Variants in HCN1 observed in about 807,000 individuals in gnomAD.
The protein encoded by HCN1 is hyperpolarization activated cyclic nucleotide gated potassium channel 1, also known as potassium/sodium hyperpolarization-activated cyclic nucleotide-gated channel 1.
In HCN1, 13 loss-of-function variants were observed where a neutral mutation model predicts 78.9. The ratio of observed to expected loss-of-function variants is 0.16; its 90% confidence interval spans 0.11 to 0.26. The LOEUF is 0.26. Ranked by LOEUF, HCN1 falls within the 10% of genes least tolerant of loss-of-function variation. The pLI, the probability that HCN1 is intolerant of heterozygous loss-of-function variation, is 1.00. For synonymous variants in HCN1, 552 were observed against 455.5 expected, an observed-to-expected ratio of 1.21 and a Z score of -2.70; for missense variants, 810 against 1,154.3, an observed-to-expected ratio of 0.70 and a Z score of 4.32.
intron 6 of HCN1, among the ~76,000 whole-genome samples, chr5:45,297,494 A>T (rs2111894919): frequency 6.6e-6 from 1 of 152,184 alleles, no homozygotes; most frequent in Admixed American, 6.6e-5. Context: ...AAAATAAATC[A>T]CCAGGCCCAA....
In HCN1 at chr5:45,335,962, T is replaced by C. The variant is rs553165922; in HGVS notation, c.1377+17138A>G. ...TGTGAAATAGCCCCTCAGTAGTAGG[T>C]TCTCATCCATTATGTGTTATATAGC... On this transcript the variant is annotated intron_variant, in intron 5 of 7. Transcript: ENST00000303230. Among the ~76,000 whole-genome samples the C allele has an allele frequency of 1.8e-4, 27 of 152,158 alleles. 1 individual carries two copies. The highest frequency in any genetic ancestry group is 6.5e-4 in the African/African-American group (27 of 41,554).
Position 45,322,409 on chromosome 5 carries a change from C to T in HCN1, c.1378-18570G>A, listed in dbSNP as rs139335755. On this transcript the variant is annotated intron_variant, in intron 5 of 7. Coordinates refer to ENST00000303230, the MANE Select transcript of HCN1 (RefSeq NM_021072.4). ...ATATTTATTAAATGCTTTGTGCTTT[C>T]TCATGTAATTATAACAACAACCCAA... 7.9e-5 allele frequency among the ~76,000 whole-genome samples: 12 copies of T among 151,842 alleles called. No individual in the cohort carries two copies. In the East Asian group the frequency reaches 2.3e-3, roughly 30 times the overall value.
At chr5:45,512,549 CT>C (rs1742435540) in intron 2 of HCN1, among the ~76,000 whole-genome samples, 1 of 152,038 alleles carries the variant, frequency 6.6e-6, no homozygotes, top group East Asian at 1.9e-4. Flanking sequence ...ACATAATCTA[CT>C]TTTTTCTAAG....
intron 5 of HCN1, among the ~76,000 whole-genome samples, chr5:45,343,678 G>A (rs888143634): frequency 6.6e-6 from 1 of 152,066 alleles, no homozygotes; most frequent in Non-Finnish European, 1.5e-5. Flanking sequence ...CTACATGTGT[G>A]GGTGCAGGGG....
intron 2 of HCN1, chr5:45,574,567 A>G (rs1579977558): frequency 6.6e-6 from 1 of 152,246 alleles, no homozygotes; most frequent in South Asian, 2.1e-4. Flanking sequence ...TGACTCCACA[A>G]TGGCCTCTAA....
At chr5:45,534,810 T>A (rs1418486533) in intron 2 of HCN1, among the ~76,000 whole-genome samples, 1 of 152,200 alleles carries the variant, frequency 6.6e-6, no homozygotes, top group Non-Finnish European at 1.5e-5. Context: ...GTGAATTAAT[T>A]ACAAGCATAT....
At chr5:45,405,570 G>A (rs2112050211) in intron 3 of HCN1, among the ~76,000 whole-genome samples, 1 of 152,162 alleles carries the variant, frequency 6.6e-6, no homozygotes, top group East Asian at 1.9e-4. Context: ...AACATGACCA[G>A]CTTATGTTTA....
At chr5:45,510,977 C>A (rs1742404608) in intron 2 of HCN1, among the ~76,000 whole-genome samples, 1 of 152,022 alleles carries the variant, frequency 6.6e-6, no homozygotes, top group African/African-American at 2.4e-5. Flanking sequence ...CTCTTTCTCC[C>A]ATTTTAATGG....
chr5:45,399,859 T>G (rs558583865), intron 3 of HCN1, among the ~76,000 whole-genome samples: 1 of 152,142 alleles, frequency 6.6e-6, no homozygotes, highest in East Asian at 1.9e-4. Context: ...AAAAATAAGA[T>G]TTAATTTTAA....
chr5:45,371,782 T>TAC (rs1579846673), intron 4 of HCN1, among the ~76,000 whole-genome samples: 1 of 141,406 alleles, frequency 7.1e-6, no homozygotes, highest in African/African-American at 2.6e-5. Context: ...TATATATATG[T>TAC]ACACACACAC....
chr5:45,648,833 T>C (rs1303394742), intron 1 of HCN1, among the ~76,000 whole-genome samples: 2 of 151,806 alleles, frequency 1.3e-5, no homozygotes, highest in African/African-American at 4.8e-5. Context: ...CTGCTTGAAA[T>C]TCCTCATGAG....
intron 1 of HCN1, among the ~76,000 whole-genome samples, chr5:45,655,066 G>A (rs796447651): frequency 6.6e-6 from 1 of 152,048 alleles, no homozygotes; most frequent in African/African-American, 2.4e-5. Context: ...CCAGTTTGCA[G>A]GTGTGATGGA....
At chr5:45,438,244 A>G (rs1448636611) in intron 3 of HCN1, among the ~76,000 whole-genome samples, 2 of 152,276 alleles carry the variant, frequency 1.3e-5, no homozygotes, top group Non-Finnish European at 2.9e-5. Flanking sequence ...GCCAAGCTGG[A>G]GTTAAACTGA....
chr5:45,396,354 G>A (rs188033520), intron 4 of HCN1, 138 bp downstream of exon 4: 38 of 732,132 alleles, frequency 5.2e-5, no homozygotes, highest in Admixed American at 4.4e-4. Flanking sequence ...TATCAAAGAA[G>A]ATAGTGTGTT....
intron 1 of HCN1, among the ~76,000 whole-genome samples, chr5:45,685,488 C>G (rs1173542370): frequency 6.6e-6 from 1 of 152,130 alleles, no homozygotes; most frequent in African/African-American, 2.4e-5. Context: ...CCGAGCCGGG[C>G]GGATCACCCA....
chr5:45,643,105 C>A (rs559363624), intron 2 of HCN1: 1 of 152,136 alleles, frequency 6.6e-6, no homozygotes, highest in African/African-American at 2.4e-5. Flanking sequence ...TAGCAGTGAG[C>A]TGATGTTCCT....
At chr5:45,363,993 A>T (rs1051022860) in intron 4 of HCN1, among the ~76,000 whole-genome samples, 2 of 151,994 alleles carry the variant, frequency 1.3e-5, no homozygotes, top group African/African-American at 4.8e-5. Context: ...TCAGTAAATT[A>T]CCCACCCCAA....
intron 4 of HCN1, among the ~76,000 whole-genome samples, chr5:45,375,195 A>G (rs1385490295): frequency 8.2e-6 from 1 of 121,400 alleles, no homozygotes; most frequent in South Asian, 2.2e-4. Context: ...ATTATATATA[A>G]TATAATATTT....
chr5:45,628,098 A>G (rs1745202031), intron 2 of HCN1, among the ~76,000 whole-genome samples: 1 of 152,252 alleles, frequency 6.6e-6, no homozygotes, highest in Non-Finnish European at 1.5e-5. Context: ...CTGTCTACAG[A>G]GAGCACTGGA....
Sources: allele counts gnomAD v4.1 joint callset (sites outside exome capture counted in the v4.1 genomes callset), GRCh38; gene constraint gnomAD v4.1.1; transcripts MANE v1.5; gene names NCBI Gene and HGNC (gene_info 2026-07-23, HGNC 2026-07-21).